The following TAF3 variants were observed in gnomAD, a reference collection of about 807,000 sequenced individuals.
TAF3 encodes the protein TATA-box binding protein associated factor 3, also known as transcription initiation factor TFIID subunit 3.
TAF3 carries 7 observed loss-of-function variants against 80.6 expected under a neutral mutation model. The observed-to-expected ratio is 0.09, with a 90% CI of 0.05 to 0.16. TAF3 has a LOEUF of 0.16. Among genes scored for constraint, TAF3 ranks in the 10% least tolerant of loss-of-function variants. TAF3 has a pLI of 1.00. For synonymous variants in TAF3, 444 were observed against 446.1 expected (o/e 1.00, Z 0.06); for missense variants, 921 against 1,140.2 (o/e 0.81, Z 2.77).
intron 4 of TAF3, among the ~76,000 whole-genome samples, chr10:8,007,564 A>T (rs1487628604): frequency 0.019 from 37 of 1,960 alleles, no homozygotes; most frequent in African/African-American, 0.036. Flanking sequence ...GTGTGAAATT[A>T]TATATATATA....
In TAF3 at chr10:8,009,127, C is replaced by G; in HGVS notation, c.2365C>G (p.Gln789Glu). 3 of 1,598,836 alleles carry G rather than the reference C, an allele frequency of 1.9e-6. No homozygotes were observed. Among genetic ancestry groups the G allele is most frequent in the Non-Finnish European group, 2.6e-6 (3 of 1,173,504 alleles). ...PAPEAKPAPS[Q>E]NRPKTPPPAP... ...CCCCGAGGCCAAGCCGGCGCCCTCGCAGAACAGGCCGAAGACCCCACCGCC... is the reference window on the plus strand; with the variant it reads ...CCCCGAGGCCAAGCCGGCGCCCTCGGAGAACAGGCCGAAGACCCCACCGCC... The change falls in exon 5 of 7, where the codon CAG (glutamine) becomes GAG (glutamate). Residue 789 changes from glutamine (Q) to glutamate (E), a missense_variant. By Grantham distance (29) the Gln-to-Glu change is conservative. Coordinates refer to ENST00000344293, the MANE Select transcript of TAF3 (RefSeq NM_031923.4). This position sits in a 1 kb window ranked among gnomAD's most constrained non-coding sequence, Gnocchi z 4.1.
At position 7,964,776 on chromosome 10, in the gene TAF3, C is replaced by T. The variant is rs766993053; in HGVS notation, c.1266C>T (p.Ser422=). ...GSESEGDIFT[S]PKRISGPECT... ...AATCTGAAGGAGACATTTTTACTAG[C>T]CCTAAGAGAATTTCAGGCCCGGAGT... The change falls in exon 3 of 7, where the codon AGC becomes AGT. Residue 422 remains serine, a synonymous_variant. Coordinates refer to ENST00000344293, the MANE Select transcript of TAF3 (RefSeq NM_031923.4). The surrounding 1 kb of genome is among the most constrained non-coding windows in gnomAD (Gnocchi z 4.1). The T allele has an allele frequency of 1.2e-5, 20 of 1,614,024 alleles. No homozygotes were observed. In the South Asian group the frequency reaches 1.8e-4, roughly 14 times the overall value.
chr10:7,833,972 C>A, intron 2 of TAF3: 1 of 274,198 alleles, frequency 3.6e-6, no homozygotes, highest in East Asian at 7.8e-5. Flanking sequence ...GCCTGCTGTC[C>A]TCCGGCACAG....
At chr10:7,935,461 G>A (rs1837908804) in intron 2 of TAF3, among the ~76,000 whole-genome samples, 1 of 151,936 alleles carries the variant, frequency 6.6e-6, no homozygotes. Flanking sequence ...GCGGGCGCCT[G>A]TAGTCCCAGC....
intron 2 of TAF3, among the ~76,000 whole-genome samples, chr10:7,951,367 T>G (rs1838080295): frequency 6.6e-6 from 1 of 152,208 alleles, no homozygotes; most frequent in Non-Finnish European, 1.5e-5. Flanking sequence ...ACCCATACAT[T>G]TACTGTTGGC....
chr10:7,853,479 A>C (rs1837048819), intron 2 of TAF3, among the ~76,000 whole-genome samples: 1 of 152,218 alleles, frequency 6.6e-6, no homozygotes, highest in South Asian at 2.1e-4. Context: ...AAACTTCAAA[A>C]TGTATAGTAT....
rs190479494 is a variant in TAF3, at chr10:7,945,351, C to A, written c.410-18569C>A. Among the ~76,000 whole-genome samples the A allele has an allele frequency of 1.4e-3, 211 of 152,260 alleles. 1 individual carries two copies. Among genetic ancestry groups the A allele is most frequent in the African/African-American group, 4.7e-3 (196 of 41,562 alleles). ...GACCAGTCATCTTATTTACTTATTA[C>A]TGTGGCATTTTTTCCCATTAGTGGA... On this transcript the variant is annotated intron_variant, in intron 2 of 6. Transcript: ENST00000344293.
intron 4 of TAF3, among the ~76,000 whole-genome samples, chr10:7,988,965 G>A (rs1198749727): frequency 1.3e-5 from 2 of 152,032 alleles, no homozygotes; most frequent in African/African-American, 2.4e-5. Flanking sequence ...AAAAATGTGT[G>A]TCCTATTTGT....
chr10:7,987,432 T>G (rs1335912411), intron 4 of TAF3, among the ~76,000 whole-genome samples: 7 of 152,226 alleles, frequency 4.6e-5, no homozygotes, highest in Non-Finnish European at 1.0e-4. Flanking sequence ...TGGTATTTCA[T>G]TTTACTGTTG....
intron 2 of TAF3, among the ~76,000 whole-genome samples, chr10:7,894,789 A>G (rs1837490695): frequency 2.0e-5 from 3 of 152,100 alleles, no homozygotes; most frequent in Admixed American, 6.5e-5. Context: ...TAAATACAGG[A>G]TGGATGGTGT....
intron 1 of TAF3, among the ~76,000 whole-genome samples, chr10:7,820,359 A>G (rs1448872369): frequency 6.6e-6 from 1 of 152,238 alleles, no homozygotes; most frequent in Non-Finnish European, 1.5e-5. Context: ...GGGCCATTAT[A>G]TAATAGGCAC....
At chr10:7,908,338 A>G (rs1009981618) in intron 2 of TAF3, among the ~76,000 whole-genome samples, 3 of 152,170 alleles carry the variant, frequency 2.0e-5, no homozygotes, top group African/African-American at 4.8e-5. Context: ...TGCAAGCCCT[A>G]TGTTGCCAGG....
At chr10:7,830,021 T>G (rs1325502901) in intron 2 of TAF3, among the ~76,000 whole-genome samples, 1 of 152,184 alleles carries the variant, frequency 6.6e-6, no homozygotes. Flanking sequence ...GAAATGGAAG[T>G]GTCTCTTCAC....
At chr10:7,989,693 T>C (rs185257938) in intron 4 of TAF3, among the ~76,000 whole-genome samples, 237 of 152,336 alleles carry the variant, frequency 1.6e-3, no homozygotes, top group African/African-American at 5.4e-3. Context: ...GAGATTCTGA[T>C]CTACCAATAT....
At chr10:7,833,807 C>A in intron 2 of TAF3, 1 of 433,182 alleles carries the variant, frequency 2.3e-6, no homozygotes, top group Non-Finnish European at 3.9e-6. Flanking sequence ...GCTGGGTGGC[C>A]AATTGCAGTT....
chr10:7,977,136 C>A, intron 3 of TAF3, 105 bp from the exon 4 acceptor site: 1 of 1,057,750 alleles, frequency 9.5e-7, no homozygotes, highest in Non-Finnish European at 1.4e-6. Context: ...ATATTTAAGG[C>A]TTCAACTTTT....
intron 2 of TAF3, among the ~76,000 whole-genome samples, chr10:7,913,251 G>T (rs1157553873): frequency 6.6e-6 from 1 of 152,146 alleles, no homozygotes; most frequent in African/African-American, 2.4e-5. Flanking sequence ...AAGGTATGAA[G>T]TGTTGGGAGG....
At chr10:7,983,809 A>G (rs938547963) in intron 4 of TAF3, among the ~76,000 whole-genome samples, 3 of 152,156 alleles carry the variant, frequency 2.0e-5, no homozygotes, top group African/African-American at 7.2e-5. Context: ...GCTGCACTCC[A>G]GCCTGGGGGA....
chr10:8,008,992 G>A (rs907640081), intron 4 of TAF3, 86 bp from the exon 5 acceptor site: 34 of 1,490,502 alleles, frequency 2.3e-5, no homozygotes, highest in Non-Finnish European at 3.1e-5. Context: ...TGGAAGAAAA[G>A]CTATTTTACG....
Sources: allele counts gnomAD v4.1 joint callset (sites outside exome capture counted in the v4.1 genomes callset), GRCh38; gene constraint gnomAD v4.1.1; non-coding constraint Gnocchi (gnomAD v3.1); transcripts MANE v1.5; gene names NCBI Gene and HGNC (gene_info 2026-07-23, HGNC 2026-07-21).